Variants in DCC observed in about 807,000 individuals in gnomAD.
The protein encoded by DCC is DCC netrin 1 receptor.
In DCC, 58 loss-of-function variants were observed where a neutral mutation model predicts 172.5. The ratio of observed to expected loss-of-function variants is 0.34; its 90% CI spans 0.27 to 0.42. DCC has a LOEUF of 0.42. Ranked by LOEUF, DCC falls within the 10% of genes least tolerant of loss-of-function variation. DCC has a pLI of 1.00. For missense variants in DCC, 1,740 were observed against 1,791.0 expected, an observed-to-expected ratio of 0.97 and a Z score of 0.51; for synonymous variants, 709 against 644.5, an observed-to-expected ratio of 1.10 and a Z score of -1.52.
chr18:52,868,657 C>G (rs1248388922), intron 2 of DCC, among the ~76,000 whole-genome samples: 1 of 152,192 alleles, frequency 6.6e-6, no homozygotes, highest in Non-Finnish European at 1.5e-5. Flanking sequence ...GACTGTGAAG[C>G]TCTGTGGCCG....
At chr18:52,950,435 A>G (rs1217443818) in intron 5 of DCC, among the ~76,000 whole-genome samples, 1 of 152,232 alleles carries the variant, frequency 6.6e-6, no homozygotes, top group Non-Finnish European at 1.5e-5. Context: ...GCACTCTGAC[A>G]ATAGAATATA....
intron 1 of DCC, among the ~76,000 whole-genome samples, chr18:52,685,614 G>A (rs2035818530): frequency 6.6e-6 from 1 of 152,104 alleles, no homozygotes; most frequent in Non-Finnish European, 1.5e-5. Flanking sequence ...AAAAGAGTCT[G>A]ACTTTGTCAG....
intron 8 of DCC, among the ~76,000 whole-genome samples, chr18:53,171,083 C>T (rs1434566887): frequency 6.6e-6 from 1 of 152,076 alleles, no homozygotes; most frequent in African/African-American, 2.4e-5. Context: ...GAGGGTTTCA[C>T]CAGATTGGCC....
intron 5 of DCC, among the ~76,000 whole-genome samples, chr18:52,926,030 A>G (rs2040196760): frequency 6.6e-6 from 1 of 151,856 alleles, no homozygotes; most frequent in Non-Finnish European, 1.5e-5. Flanking sequence ...TATTTTAACC[A>G]GTTTTATTTG....
At chr18:52,673,600 C>T (rs370948337) in intron 1 of DCC, among the ~76,000 whole-genome samples, 23 of 152,146 alleles carry the variant, frequency 1.5e-4, no homozygotes, top group Admixed American at 1.2e-3. Flanking sequence ...TTTTTCCCTC[C>T]TTTTTTCTTG....
chr18:52,532,860 A>C (rs1026741470), intron 1 of DCC, among the ~76,000 whole-genome samples: 4 of 152,050 alleles, frequency 2.6e-5, no homozygotes, highest in African/African-American at 9.7e-5. Context: ...ATATTCACCA[A>C]GTTTTGCAAC....
chr18:53,380,572 C>T (rs1285949458), intron 15 of DCC, among the ~76,000 whole-genome samples: 1 of 152,106 alleles, frequency 6.6e-6, no homozygotes, highest in East Asian at 1.9e-4. Flanking sequence ...AATACAGAGG[C>T]TAGACTCCCC....
intron 1 of DCC, among the ~76,000 whole-genome samples, chr18:52,541,892 T>TA (rs370487602): frequency 7.2e-6 from 1 of 139,550 alleles, no homozygotes; most frequent in Admixed American, 7.5e-5. Flanking sequence ...TATATATATA[T>TA]ATATGTGTAT....
intron 14 of DCC, among the ~76,000 whole-genome samples, chr18:53,330,326 T>A (rs1023484631): frequency 1.6e-4 from 24 of 152,072 alleles, no homozygotes; most frequent in African/African-American, 5.6e-4. Context: ...GCCAAAAGCC[T>A]CCCTATCACC....
chr18:52,733,614 C>T (rs2036679940), intron 1 of DCC, among the ~76,000 whole-genome samples: 1 of 152,102 alleles, frequency 6.6e-6, no homozygotes, highest in African/African-American at 2.4e-5. Flanking sequence ...CTCACCTCAG[C>T]CTCCCAAGTA....
At chr18:52,633,686 T>C (rs900082449) in intron 1 of DCC, among the ~76,000 whole-genome samples, 6 of 152,342 alleles carry the variant, frequency 3.9e-5, no homozygotes, top group Admixed American at 1.3e-4. Flanking sequence ...AAGTCTAGGT[T>C]TAGCCCAACC....
intron 3 of DCC, among the ~76,000 whole-genome samples, chr18:52,913,951 A>G (rs889333011): frequency 6.6e-6 from 1 of 152,074 alleles, no homozygotes; most frequent in African/African-American, 2.4e-5. Context: ...AAAAAAGACA[A>G]ATTTAGTCAT....
At chr18:53,529,112 C>T (rs2046496973) in intron 28 of DCC, among the ~76,000 whole-genome samples, 1 of 148,888 alleles carries the variant, frequency 6.7e-6, no homozygotes, top group South Asian at 2.1e-4. Context: ...GGCTTTTAGC[C>T]AAATTGGAAA....
At chr18:53,021,385 CAT>C (rs1033758676) in intron 5 of DCC, among the ~76,000 whole-genome samples, 29 of 152,288 alleles carry the variant, frequency 1.9e-4, no homozygotes, top group African/African-American at 6.5e-4. Context: ...GAGAGTATCA[CAT>C]GTGTCTGTTA....
At chr18:53,352,089 T>C (rs1046131998) in intron 15 of DCC, among the ~76,000 whole-genome samples, 2 of 152,038 alleles carry the variant, frequency 1.3e-5, no homozygotes, top group East Asian at 3.8e-4. Context: ...GATAGAGCAC[T>C]CTATTGCAGG....
At chr18:52,848,888 CA>C (rs2038934769) in intron 2 of DCC, among the ~76,000 whole-genome samples, 1 of 152,202 alleles carries the variant, frequency 6.6e-6, no homozygotes, top group Admixed American at 6.5e-5. Context: ...GCACATTCAG[CA>C]ACTTCTTTAT....
intron 1 of DCC, among the ~76,000 whole-genome samples, chr18:52,422,143 A>T (rs1054298764): frequency 6.6e-6 from 1 of 152,188 alleles, no homozygotes; most frequent in African/African-American, 2.4e-5. Flanking sequence ...AAAGGAAGGG[A>T]TTAACAAAAA....
intron 1 of DCC, among the ~76,000 whole-genome samples, chr18:52,441,478 T>C (rs755572392): frequency 6.6e-6 from 1 of 152,204 alleles, no homozygotes; most frequent in Non-Finnish European, 1.5e-5. Flanking sequence ...AAGTACATTA[T>C]TGTTTTAAAT....
At chr18:52,893,853 C>G (rs1417992612) in intron 2 of DCC, among the ~76,000 whole-genome samples, 1 of 152,114 alleles carries the variant, frequency 6.6e-6, no homozygotes, top group South Asian at 2.1e-4. Flanking sequence ...ATTCCCCCCT[C>G]ATGAAGATCA....
Sources: gnomAD v4.1 joint callset for allele counts (sites outside exome capture counted in the v4.1 genomes callset) on GRCh38, gnomAD v4.1.1 for gene constraint, MANE v1.5 for transcripts, NCBI Gene and HGNC (gene_info 2026-07-23, HGNC 2026-07-21) for gene names.